NEK5: variants seen among roughly 807,000 people sequenced by gnomAD.
The protein encoded by NEK5 is serine/threonine-protein kinase Nek5.
NEK5 carries 88 observed loss-of-function variants against 109.2 expected under a neutral mutation model. That is an observed-to-expected ratio of 0.81 (90% CI 0.68 to 0.96). The LOEUF is 0.96. Among genes scored for constraint, NEK5 ranks in the 40% least tolerant of loss-of-function variants. The pLI, the probability that NEK5 is intolerant of heterozygous loss-of-function variation, is 0.00. For missense variants in NEK5, 834 were observed against 920.7 expected (o/e 0.91, Z 1.22); for synonymous variants, 283 against 299.9 (o/e 0.94, Z 0.58).
At chr13:52,111,710 T>C (rs557728454) in intron 5 of NEK5, among the ~76,000 whole-genome samples, 136 of 152,280 alleles carry the variant, frequency 8.9e-4, no homozygotes, top group African/African-American at 2.8e-3. Flanking sequence ...TGAGTACCAC[T>C]CCCAAGAGAG....
chr13:52,110,259 T>C, intron 7 of NEK5, 81 bp downstream of exon 7: 1 of 900,764 alleles, frequency 1.1e-6, no homozygotes, highest in Non-Finnish European at 1.8e-6. Flanking sequence ...AAGATTTTAA[T>C]ATCTTCTTAA....
chr13:52,064,448 G>C (rs1192598802), intron 21 of NEK5, among the ~76,000 whole-genome samples: 1 of 138,882 alleles, frequency 7.2e-6, no homozygotes, highest in African/African-American at 2.7e-5. Context: ...GGAGGGAGGT[G>C]GGGGGGGTCA....
At chr13:52,058,414 G>A (rs1231267784) in intron 22 of NEK5, among the ~76,000 whole-genome samples, 2 of 147,092 alleles carry the variant, frequency 1.4e-5, no homozygotes, top group Non-Finnish European at 3.0e-5. Flanking sequence ...TCCCCATCAA[G>A]CTACCAATGA....
Position 52,121,904 on chromosome 13 carries a change from A to G in NEK5, c.118-2489T>C, listed in dbSNP as rs560507054. ...TGTAATTATCTGAAAATAGAAAAAGAGTTAAATAAATTACAGGGGTGTTTT... is the reference window on the plus strand; with the variant it reads ...TGTAATTATCTGAAAATAGAAAAAGGGTTAAATAAATTACAGGGGTGTTTT... On this transcript the variant is annotated intron_variant, in intron 3 of 23. Coordinates refer to ENST00000684899, the MANE Select transcript of NEK5 (RefSeq NM_001365552.1). 2.6e-5 allele frequency among the ~76,000 whole-genome samples: 4 copies of G among 152,150 alleles called. No individual in the cohort carries two copies. The South Asian group carries it at 8.3e-4, about 32-fold the overall frequency.
rs746413211 is a variant in NEK5 at position 52,066,796 on chromosome 13, G to A, written c.1850-1187C>T. On this transcript the variant is annotated intron_variant, in intron 20 of 23. Coordinates refer to ENST00000684899, the MANE Select transcript of NEK5 (RefSeq NM_001365552.1). ...TCCAGCCTTGGTGACAGAGTGAGAC[G>A]CTGTCTCAAAAAAAAAAAAAAATGA... is the stretch of plus-strand genomic sequence containing the variant. Among the ~76,000 whole-genome samples the A allele has an allele frequency of 4.9e-4, 72 of 147,614 alleles. 3 individuals are homozygous for A. In the East Asian group the frequency reaches 8.1e-3, roughly 17 times the overall value.
chr13:52,108,467 G>T, intron 7 of NEK5, 63 bp from the exon 8 acceptor site: 2 of 990,550 alleles, frequency 2.0e-6, no homozygotes, highest in South Asian at 1.5e-5. Context: ...AAAGTCTTAA[G>T]ACATGGACAT....
intron 16 of NEK5, among the ~76,000 whole-genome samples, chr13:52,084,760 AGAGTGT>A (rs1266398142): frequency 3.0e-3 from 110 of 36,622 alleles, no homozygotes; most frequent in South Asian, 4.6e-3. Flanking sequence ...AGAGAGAGAG[AGAGTGT>A]GTGTGTGTGT....
At chr13:52,089,093 A>AAACAACAACAACAACAAC (rs147701822) in intron 14 of NEK5, among the ~76,000 whole-genome samples, 154 bp downstream of exon 14, 3 of 150,918 alleles carry the variant, frequency 2.0e-5, no homozygotes, top group East Asian at 2.0e-4. Context: ...CTGTCTCAGA[A>AAACAACAACAACAACAAC]AACAACAACA....
At chr13:52,046,494 A>AAAAG (rs1555307637) in intron 23 of NEK5, among the ~76,000 whole-genome samples, 18 of 150,756 alleles carry the variant, frequency 1.2e-4, no homozygotes, top group Admixed American at 9.2e-4. Flanking sequence ...AAAAAAAAAA[A>AAAAG]AAGAAGAAGA....
chr13:52,124,033 G>C (rs1566834221), intron 3 of NEK5, among the ~76,000 whole-genome samples: 1 of 152,200 alleles, frequency 6.6e-6, no homozygotes, highest in Non-Finnish European at 1.5e-5. Context: ...AGGCAGACCA[G>C]GCACAGTGGC....
At chr13:52,103,000 T>A (rs1955572757) in intron 9 of NEK5, among the ~76,000 whole-genome samples, 1 of 152,254 alleles carries the variant, frequency 6.6e-6, no homozygotes, top group Non-Finnish European at 1.5e-5. Flanking sequence ...TATGAAATTT[T>A]ATCTCTTGCT....
chr13:52,127,229 T>C (rs148362647), intron 3 of NEK5, 137 bp downstream of exon 3: 9 of 592,136 alleles, frequency 1.5e-5, no homozygotes, highest in African/African-American at 9.3e-5. Context: ...ACAATGGACT[T>C]AGGAGGTTGA....
chr13:52,079,828 C>T (rs1954945875), intron 17 of NEK5, among the ~76,000 whole-genome samples: 2 of 151,084 alleles, frequency 1.3e-5, no homozygotes, highest in South Asian at 4.2e-4. Context: ...CGTCTCTGCC[C>T]CGCCGCCATC....
At chr13:52,065,182 G>A in intron 21 of NEK5, 1 of 483,392 alleles carries the variant, frequency 2.1e-6, no homozygotes. Context: ...TGTTGAGCTG[G>A]CCTTGGAAGG....
At chr13:52,069,757 G>A (rs1040304554) in intron 20 of NEK5, among the ~76,000 whole-genome samples, 5 of 152,076 alleles carry the variant, frequency 3.3e-5, no homozygotes, top group Admixed American at 3.3e-4. Context: ...CATGCACTTG[G>A]ACTCTTCTCC....
intron 12 of NEK5, among the ~76,000 whole-genome samples, chr13:52,095,386 G>A (rs1458808733): frequency 6.6e-6 from 1 of 152,144 alleles, no homozygotes; most frequent in Non-Finnish European, 1.5e-5. Context: ...TCTTTAAAAT[G>A]TTCTCTAACA....
At chr13:52,112,439 A>C in intron 4 of NEK5, 74 bp from the exon 5 acceptor site, 1 of 977,354 alleles carries the variant, frequency 1.0e-6, no homozygotes, top group Non-Finnish European at 1.6e-6. Context: ...TGTGGAATCA[A>C]GATGGACTGG....
Position 52,036,401 on chromosome 13 carries a change from A to C in NEK5, c.*547T>G, listed in dbSNP as rs1300608755. 1 of 152,140 alleles carries C rather than the reference A, an allele frequency of 6.6e-6. No homozygotes were observed. The highest frequency in any genetic ancestry group is 2.4e-5 in the African/African-American group (1 of 41,394). 9.4% of individuals were successfully genotyped at this position (152,140 alleles called of 1,614,324 possible). On this transcript the variant is annotated 3_prime_UTR_variant, in exon 24 of 24. Coordinates refer to ENST00000684899, the MANE Select transcript of NEK5 (RefSeq NM_001365552.1). ...TGCAAACTGTGGGGATTAGGATGGG[A>C]CATGTTTTGGAGGGGGCATTGAGCC...
intron 21 of NEK5, among the ~76,000 whole-genome samples, chr13:52,064,205 C>A (rs1169331948): frequency 7.1e-6 from 1 of 141,606 alleles, no homozygotes; most frequent in Admixed American, 6.8e-5. Flanking sequence ...CCCGGCCAGC[C>A]GCCCCGTCCG....
Sources: allele counts gnomAD v4.1 joint callset (sites outside exome capture counted in the v4.1 genomes callset), GRCh38; gene constraint gnomAD v4.1.1; transcripts MANE v1.5; gene names NCBI Gene and HGNC (gene_info 2026-07-23, HGNC 2026-07-21).